The following ZNF148 variants were observed in gnomAD, a reference collection of about 807,000 sequenced individuals.
ZNF148 encodes the protein zinc finger protein 148.
Under a neutral mutation model 67.7 loss-of-function variants are expected in ZNF148, and 7 were observed. That is an observed-to-expected ratio of 0.10 (90% CI 0.06 to 0.19). The LOEUF (loss-of-function observed/expected upper bound fraction) is 0.19, where lower values mean the gene tolerates loss of function less well. Among genes scored for constraint, ZNF148 ranks in the 10% least tolerant of loss-of-function variants. The pLI is 1.00. For missense variants in ZNF148, 583 were observed against 947.1 expected, an observed-to-expected ratio of 0.62 and a Z score of 5.05; for synonymous variants, 333 against 330.7, an observed-to-expected ratio of 1.01 and a Z score of -0.08.
At chr3:125,255,861 T>C (rs1937050069) in intron 7 of ZNF148, among the ~76,000 whole-genome samples, 1 of 152,120 alleles carries the variant, frequency 6.6e-6, no homozygotes, top group Non-Finnish European at 1.5e-5. Context: ...TTTTTTTCCC[T>C]GCCTGTCTTT....
At chr3:125,281,626 A>G (rs17330495) in intron 5 of ZNF148, among the ~76,000 whole-genome samples, 34,976 of 152,116 alleles carry the variant, frequency 0.23, 5,284 homozygotes, top group Middle Eastern at 0.35. Context: ...AAGCCCTTTT[A>G]TGAAGAGTTA....
rs1021682043 is a variant in ZNF148, at chr3:125,342,002, G to C, written c.-233-10764C>G. Among the ~76,000 whole-genome samples the C allele has an allele frequency of 6.7e-5, 10 of 149,978 alleles. No individual in the cohort carries two copies. In the East Asian group the frequency reaches 1.2e-3, roughly 18 times the overall value. On this transcript the variant is annotated intron_variant, in intron 1 of 8. Transcript: ENST00000360647. ...AGAGCCACACTCTGTTTCGGGGCGG[G>C]GGGGGGAATGGAAATCATGGGGAAG...
Position 125,307,841 on chromosome 3 carries a change from G to A in ZNF148, c.333+5467C>T, listed in dbSNP as rs1231685329. On this transcript the variant is annotated intron_variant, in intron 4 of 8. Transcript: ENST00000360647. Reference sequence around the variant, plus strand: ...TTTTTTTTTTTTTTTTGGCAGAGATGGGGTTTCCCCATGTTGTGCAGGCTG... The same window carrying A: ...TTTTTTTTTTTTTTTTGGCAGAGATAGGGTTTCCCCATGTTGTGCAGGCTG... 3.3e-5 allele frequency among the ~76,000 whole-genome samples: 5 copies of A among 149,552 alleles called. No homozygotes were observed. In the East Asian group the frequency reaches 7.9e-4, roughly 24 times the overall value.
intron 1 of ZNF148, among the ~76,000 whole-genome samples, chr3:125,355,477 A>G (rs1942306776): frequency 6.6e-6 from 1 of 152,226 alleles, no homozygotes; most frequent in African/African-American, 2.4e-5. Flanking sequence ...TTTGAGAACT[A>G]TTGCATTCGA....
chr3:125,251,428 A>G (rs1258570525), intron 7 of ZNF148, among the ~76,000 whole-genome samples: 1 of 152,196 alleles, frequency 6.6e-6, no homozygotes, highest in Non-Finnish European at 1.5e-5. Flanking sequence ...CGTTTGAGGA[A>G]TTTTCTCAAA....
chr3:125,361,611 C>T (rs1489784493), intron 1 of ZNF148, among the ~76,000 whole-genome samples: 1 of 152,034 alleles, frequency 6.6e-6, no homozygotes, highest in Non-Finnish European at 1.5e-5. Context: ...GCAGGTGGAT[C>T]ACTTGAGGTC....
intron 5 of ZNF148, among the ~76,000 whole-genome samples, chr3:125,285,554 TAA>T (rs371516524): frequency 6.8e-6 from 1 of 147,848 alleles, no homozygotes; most frequent in Non-Finnish European, 1.5e-5. Context: ...GTTCTTTATT[TAA>T]AAAAAAAAAA....
chr3:125,288,448 T>A (rs1938825244), intron 4 of ZNF148, among the ~76,000 whole-genome samples: 2 of 151,934 alleles, frequency 1.3e-5, no homozygotes, highest in Non-Finnish European at 2.9e-5. Context: ...AACAGATTTT[T>A]TTTTTAATCT....
chr3:125,245,333 T>G (rs1936548209), intron 7 of ZNF148, among the ~76,000 whole-genome samples: 1 of 152,166 alleles, frequency 6.6e-6, no homozygotes, highest in African/African-American at 2.4e-5. Flanking sequence ...CTGACTGCTT[T>G]CTAAAACAAT....
chr3:125,355,576 G>A (rs1327813117), intron 1 of ZNF148, among the ~76,000 whole-genome samples: 3 of 152,256 alleles, frequency 2.0e-5, no homozygotes, highest in East Asian at 1.9e-4. Flanking sequence ...AGAAAAGACA[G>A]GAATGTTTTC....
chr3:125,261,758 C>A (rs1937350321), intron 7 of ZNF148, among the ~76,000 whole-genome samples: 1 of 148,062 alleles, frequency 6.8e-6, no homozygotes. Context: ...GACAGTGTCA[C>A]CAAGAAAACA....
Position 125,320,273 on chromosome 3 carries a change from C to T in ZNF148, c.-17+3036G>A, listed in dbSNP as rs895879022. On this transcript the variant is annotated intron_variant, in intron 3 of 8. Coordinates refer to ENST00000360647, the MANE Select transcript of ZNF148 (RefSeq NM_021964.3). ...CTAAATATGGCTAATAAATGTAAAA[C>T]CAGTCAGTCCTAATGATACACCTGT... 3.3e-5 allele frequency among the ~76,000 whole-genome samples: 5 copies of T among 152,228 alleles called. 1 individual carries two copies.
At chr3:125,336,676 CCTTT>C (rs1422916042) in intron 1 of ZNF148, among the ~76,000 whole-genome samples, 50 of 46,138 alleles carry the variant, frequency 1.1e-3, no homozygotes, top group Admixed American at 8.3e-3. Context: ...CCAGAAATCA[CCTTT>C]TTTTTTTTTT....
intron 1 of ZNF148, among the ~76,000 whole-genome samples, chr3:125,358,652 A>G (rs1350423136): frequency 2.0e-5 from 3 of 152,338 alleles, no homozygotes; most frequent in East Asian, 1.9e-4. Flanking sequence ...TAACTCATTC[A>G]TAACTCAAAA....
chr3:125,282,184 A>T (rs114045340), intron 5 of ZNF148, among the ~76,000 whole-genome samples: 33 of 152,272 alleles, frequency 2.2e-4, no homozygotes, highest in Non-Finnish European at 3.4e-4. Flanking sequence ...CAGAACACAA[A>T]TAGCACACTA....
intron 1 of ZNF148, among the ~76,000 whole-genome samples, chr3:125,334,838 A>G (rs1203996995): frequency 6.6e-6 from 1 of 151,952 alleles, no homozygotes; most frequent in Non-Finnish European, 1.5e-5. Context: ...CTCATTTTCT[A>G]GCCTCTCCCC....
intron 7 of ZNF148, among the ~76,000 whole-genome samples, chr3:125,257,697 TTCCCATTTCTC>T (rs1937149510): frequency 1.3e-5 from 2 of 152,166 alleles, no homozygotes; most frequent in South Asian, 4.1e-4. Context: ...CTTCTTTTCC[TTCCCATTTCTC>T]TCTACCCTCA....
At chr3:125,366,994 T>C (rs961822245) in intron 1 of ZNF148, among the ~76,000 whole-genome samples, 3 of 152,216 alleles carry the variant, frequency 2.0e-5, no homozygotes, top group African/African-American at 7.2e-5. Flanking sequence ...ACAGATATAT[T>C]TGTGATTATA....
At chr3:125,350,316 A>T (rs1942096716) in intron 1 of ZNF148, among the ~76,000 whole-genome samples, 1 of 151,304 alleles carries the variant, frequency 6.6e-6, no homozygotes, top group South Asian at 2.1e-4. Context: ...ATGTGTCACC[A>T]GGCCCATCTA....
Sources: allele counts gnomAD v4.1 joint callset (sites outside exome capture counted in the v4.1 genomes callset), GRCh38; gene constraint gnomAD v4.1.1; transcripts MANE v1.5; gene names NCBI Gene and HGNC (gene_info 2026-07-23, HGNC 2026-07-21).